The following PCDH7 variants were observed in gnomAD, a reference collection of about 807,000 sequenced individuals.
PCDH7 encodes the protein protocadherin 7, also known as protocadherin-7.
PCDH7 carries 17 observed loss-of-function variants against 58.9 expected under a neutral mutation model. That is an observed-to-expected ratio of 0.29 (90% confidence interval 0.20 to 0.43). The LOEUF (loss-of-function observed/expected upper bound fraction) is 0.43, where lower values mean the gene tolerates loss of function less well. PCDH7 is among the 20% of genes least tolerant of loss of function. The probability of loss-of-function intolerance (pLI) is 1.00; values close to 1 mark genes in which losing one functional copy is unlikely to be tolerated. For missense variants in PCDH7, 1,274 were observed against 1,441.0 expected, an observed-to-expected ratio of 0.88 and a Z score of 1.88; for synonymous variants, 664 against 616.4, an observed-to-expected ratio of 1.08 and a Z score of -1.14.
intron 3 of PCDH7, among the ~76,000 whole-genome samples, chr4:30,990,167 C>T (rs1456935763): frequency 1.3e-5 from 2 of 151,698 alleles, no homozygotes; most frequent in Non-Finnish European, 2.9e-5. Context: ...CATTATTCTA[C>T]ATTTTTCTTT....
intron 3 of PCDH7, among the ~76,000 whole-genome samples, chr4:31,002,058 T>A (rs936571896): frequency 4.6e-5 from 7 of 152,216 alleles, no homozygotes; most frequent in African/African-American, 2.4e-5. Context: ...GCTGCTTTGC[T>A]ATTTTAAACA....
At chr4:30,730,230 A>G (rs561669222) in intron 1 of PCDH7, among the ~76,000 whole-genome samples, 2 of 152,164 alleles carry the variant, frequency 1.3e-5, no homozygotes, top group East Asian at 3.9e-4. Flanking sequence ...TCATTTATTT[A>G]CTATGACTCT....
intron 3 of PCDH7, among the ~76,000 whole-genome samples, chr4:30,993,448 C>A (rs577933841): frequency 1.1e-4 from 17 of 152,192 alleles, no homozygotes; most frequent in African/African-American, 3.9e-4. Flanking sequence ...GCTTTCAAAG[C>A]AGCAAGATGC....
At chr4:31,076,220 T>C (rs933555626) in intron 3 of PCDH7, among the ~76,000 whole-genome samples, 5 of 152,178 alleles carry the variant, frequency 3.3e-5, no homozygotes, top group Non-Finnish European at 5.9e-5. Context: ...GGCGTACTCA[T>C]CAAGTTTATG....
chr4:30,722,411 T>C lies in PCDH7; in HGVS notation c.989T>C (p.Leu330Pro). The C allele has an allele frequency of 6.2e-7, 1 of 1,612,518 alleles. No homozygotes were observed. The highest frequency in any genetic ancestry group is 1.1e-5 in the South Asian group (1 of 91,066). The change falls in exon 1 of 2, where the codon CTG becomes CCG. Residue 330 changes from leucine to proline, a missense_variant. Leu to Pro is a moderately conservative substitution (Grantham distance 98). Around this residue, in one of 3 missense-constraint regions of PCDH7, gnomAD observed 331 missense variants for 303.2 expected, o/e 1.09. Coordinates refer to ENST00000361762, the Ensembl canonical transcript of PCDH7. The surrounding 1 kb of genome is among the most constrained non-coding windows in gnomAD (Gnocchi z 7.6). ...GCCCCGGGGACCCCCATCCTGCAACTGCGCGCAGCCGACTTGGACGTGGGG... is the reference window on the plus strand; with the variant it reads ...GCCCCGGGGACCCCCATCCTGCAACCGCGCGCAGCCGACTTGGACGTGGGG...
At chr4:30,963,689 GA>G (rs1368158695) in intron 3 of PCDH7, among the ~76,000 whole-genome samples, 1 of 152,080 alleles carries the variant, frequency 6.6e-6, no homozygotes, top group Non-Finnish European at 1.5e-5. Flanking sequence ...TAGAATGTAT[GA>G]TATCTGCCAA....
At chr4:31,097,005 A>G (rs918920196) in intron 3 of PCDH7, among the ~76,000 whole-genome samples, 12 of 151,916 alleles carry the variant, frequency 7.9e-5, no homozygotes, top group African/African-American at 2.7e-4. Context: ...GTGTATGTCT[A>G]TACACAGAGA....
chr4:31,110,308 G>A (rs185762033), intron 3 of PCDH7, among the ~76,000 whole-genome samples: 2 of 152,238 alleles, frequency 1.3e-5, no homozygotes, highest in East Asian at 3.9e-4. Context: ...GCTGCTTAGT[G>A]GAAAGAGAAG....
chr4:30,721,740 C>T lies in PCDH7; in HGVS notation c.318C>T (p.Asn106=), dbSNP rs749291557. The change falls in exon 1 of 2, where the codon AAC becomes AAT. Residue 106 remains asparagine (N), a synonymous_variant. Transcript: ENST00000361762. This position sits in a 1 kb window ranked among gnomAD's most constrained non-coding sequence, Gnocchi z 6.7. ...AGTGTCAGATGATCTTCGACGAGAA[C>T]GAGTGCTTCCTGGACTTCGAGGTGT... is the stretch of plus-strand genomic sequence containing the variant. 1 of 1,613,794 alleles carries T rather than the reference C, an allele frequency of 6.2e-7. No individual in the cohort carries two copies. Among genetic ancestry groups the T allele is most frequent in the Non-Finnish European group, 8.5e-7 (1 of 1,180,018 alleles).
intron 3 of PCDH7, among the ~76,000 whole-genome samples, chr4:31,031,416 A>C (rs959383333): frequency 6.6e-6 from 1 of 152,192 alleles, no homozygotes; most frequent in African/African-American, 2.4e-5. Flanking sequence ...TTCAAGTAGA[A>C]GGAAGAATAT....
intron 2 of PCDH7, among the ~76,000 whole-genome samples, chr4:30,949,030 G>A (rs977189787): frequency 6.6e-6 from 1 of 152,084 alleles, no homozygotes; most frequent in Non-Finnish European, 1.5e-5. Context: ...ATGCAAACAC[G>A]TATTCATGAA....
intron 3 of PCDH7, among the ~76,000 whole-genome samples, chr4:31,078,639 A>ATT (rs10709152): frequency 0.032 from 2,374 of 73,512 alleles, 263 homozygotes; most frequent in African/African-American, 0.11. Flanking sequence ...ACCATGCCCC[A>ATT]TTTTTTTTTT....
intron 1 of PCDH7, among the ~76,000 whole-genome samples, chr4:30,894,490 A>AATATATATATAT (rs1553909430): frequency 3.0e-4 from 10 of 33,512 alleles, no homozygotes; most frequent in East Asian, 1.5e-3. Context: ...AAAAAAAAAA[A>AATATATATATAT]ATATATATAT....
At chr4:30,977,802 T>A (rs1049170523) in intron 3 of PCDH7, among the ~76,000 whole-genome samples, 1 of 152,158 alleles carries the variant, frequency 6.6e-6, no homozygotes, top group Non-Finnish European at 1.5e-5. Flanking sequence ...CCTCTGAGGA[T>A]CTCTGGAGTG....
chr4:31,022,236 T>A (rs746708039), intron 3 of PCDH7, among the ~76,000 whole-genome samples: 5 of 152,208 alleles, frequency 3.3e-5, no homozygotes, highest in Non-Finnish European at 7.4e-5. Flanking sequence ...ATGTGTTTAA[T>A]GTGGAAAACA....
At chr4:30,991,985 G>A (rs1751500164) in intron 3 of PCDH7, among the ~76,000 whole-genome samples, 1 of 152,152 alleles carries the variant, frequency 6.6e-6, no homozygotes, top group African/African-American at 2.4e-5. Flanking sequence ...GTAGAGCCAT[G>A]TCTTTGAAAT....
At chr4:31,139,614 A>T (rs1417971073) in intron 3 of PCDH7, among the ~76,000 whole-genome samples, 3 of 152,222 alleles carry the variant, frequency 2.0e-5, no homozygotes, top group Admixed American at 2.0e-4. Flanking sequence ...TGCATGCATA[A>T]TTAAAATAAG....
intron 1 of PCDH7, among the ~76,000 whole-genome samples, chr4:30,791,557 G>A (rs897765054): frequency 2.0e-5 from 3 of 152,126 alleles, no homozygotes; most frequent in Non-Finnish European, 4.4e-5. Flanking sequence ...TAAACCCAAT[G>A]TCATTGTCAA....
chr4:30,903,784 A>G (rs532142045), intron 1 of PCDH7, among the ~76,000 whole-genome samples: 1 of 152,258 alleles, frequency 6.6e-6, no homozygotes, highest in South Asian at 2.1e-4. Flanking sequence ...CAAAATGTAA[A>G]TTTGCAGTGT....
Sources: allele counts gnomAD v4.1 joint callset (sites outside exome capture counted in the v4.1 genomes callset), GRCh38; gene constraint gnomAD v4.1.1; regional missense constraint gnomAD v4.1.1; non-coding constraint Gnocchi (gnomAD v3.1); transcripts MANE v1.5; gene names NCBI Gene and HGNC (gene_info 2026-07-23, HGNC 2026-07-21).